Variants in KCNMA1 observed in about 807,000 individuals in gnomAD.
The protein encoded by KCNMA1 is potassium calcium-activated channel subfamily M alpha 1.
KCNMA1 carries 29 observed loss-of-function variants against 140.0 expected under a neutral mutation model. The ratio of observed to expected loss-of-function variants is 0.21; its 90% confidence interval spans 0.15 to 0.28. The LOEUF is 0.28. Among genes scored for constraint, KCNMA1 ranks in the 10% least tolerant of loss-of-function variants. KCNMA1 has a pLI of 1.00. For synonymous variants in KCNMA1, 612 were observed against 611.9 expected, an observed-to-expected ratio of 1.00 and a Z score of 0.00; for missense variants, 880 against 1,602.2, an observed-to-expected ratio of 0.55 and a Z score of 7.70.
At chr10:77,426,440 T>C (rs1161167183) in intron 1 of KCNMA1, among the ~76,000 whole-genome samples, 3 of 152,136 alleles carry the variant, frequency 2.0e-5, no homozygotes. Flanking sequence ...ATTTTACGGA[T>C]GAGGAAAATA....
At chr10:76,969,901 G>T in intron 20 of KCNMA1, 73 bp downstream of exon 20, 1 of 1,205,010 alleles carries the variant, frequency 8.3e-7, no homozygotes, top group Non-Finnish European at 1.2e-6. Flanking sequence ...GGGCCTGGCA[G>T]GGTGAGGAGA....
chr10:76,975,171 G>A (rs2077114957), intron 19 of KCNMA1: 1 of 152,176 alleles, frequency 6.6e-6, no homozygotes, highest in Admixed American at 6.5e-5. Flanking sequence ...GAAGGGTATG[G>A]AGTGATGGTA....
At chr10:77,069,299 G>A (rs971141148) in intron 14 of KCNMA1, among the ~76,000 whole-genome samples, 26 of 152,140 alleles carry the variant, frequency 1.7e-4, no homozygotes, top group African/African-American at 4.8e-5. Flanking sequence ...CAGGATGTTC[G>A]TGCGAACTCC....
At chr10:77,053,389 G>A (rs779360181) in intron 14 of KCNMA1, among the ~76,000 whole-genome samples, 2 of 152,190 alleles carry the variant, frequency 1.3e-5, no homozygotes, top group Non-Finnish European at 2.9e-5. Context: ...CCAGACAGAT[G>A]CACCTAGTTC....
At chr10:77,347,705 T>C (rs1662106128) in intron 2 of KCNMA1, among the ~76,000 whole-genome samples, 1 of 152,176 alleles carries the variant, frequency 6.6e-6, no homozygotes, top group Non-Finnish European at 1.5e-5. Flanking sequence ...TGACCTAAGG[T>C]AGGATTCTTA....
chr10:77,008,184 C>A (rs1593444656), intron 18 of KCNMA1: 2 of 1,534,922 alleles, frequency 1.3e-6, no homozygotes, highest in Non-Finnish European at 1.7e-6. Flanking sequence ...GTTTTACTCA[C>A]AATATATCAC....
chr10:76,993,677 C>A (rs995507602), intron 19 of KCNMA1, among the ~76,000 whole-genome samples: 5 of 152,210 alleles, frequency 3.3e-5, no homozygotes, highest in Non-Finnish European at 5.9e-5. Flanking sequence ...TCCTCCCCTG[C>A]AGCCACAGCA....
At chr10:77,242,899 TACACACACAC>T (rs199668848) in intron 3 of KCNMA1, among the ~76,000 whole-genome samples, 25 of 111,664 alleles carry the variant, frequency 2.2e-4, no homozygotes, top group African/African-American at 4.8e-4. Flanking sequence ...AATTGTTTCC[TACACACACAC>T]ACACACACAC....
At chr10:77,502,434 T>C (rs947354556) in intron 1 of KCNMA1, among the ~76,000 whole-genome samples, 2 of 152,184 alleles carry the variant, frequency 1.3e-5, no homozygotes, top group African/African-American at 4.8e-5. Context: ...AATGCTCTCA[T>C]GTTTCAGAGC....
chr10:77,017,164 T>C (rs2092214961), intron 17 of KCNMA1, among the ~76,000 whole-genome samples: 1 of 152,198 alleles, frequency 6.6e-6, no homozygotes, highest in Non-Finnish European at 1.5e-5. Flanking sequence ...CGGCCTGATA[T>C]TTGTGACATT....
chr10:76,946,765 C>T (rs888204408), intron 22 of KCNMA1, among the ~76,000 whole-genome samples: 11 of 152,092 alleles, frequency 7.2e-5, no homozygotes, highest in East Asian at 5.8e-4. Flanking sequence ...GGAAGCCAGC[C>T]GTAATTGTGA....
intron 14 of KCNMA1, among the ~76,000 whole-genome samples, chr10:77,055,126 G>GT (rs2095499610): frequency 6.6e-6 from 1 of 152,148 alleles, no homozygotes. Context: ...CTGGTTCTGG[G>GT]TAAGATGGAG....
intron 24 of KCNMA1, 28 bp from the exon 25 acceptor site, chr10:76,910,124 C>T: frequency 6.2e-7 from 1 of 1,612,626 alleles, no homozygotes; most frequent in Non-Finnish European, 8.5e-7. Context: ...TAAGAATTAG[C>T]TCTGAAGACC....
intron 2 of KCNMA1, among the ~76,000 whole-genome samples, chr10:77,346,596 G>C (rs963306164): frequency 3.9e-5 from 6 of 152,288 alleles, no homozygotes; most frequent in Middle Eastern, 3.4e-3. Flanking sequence ...TAGAAGACTT[G>C]CTGGGTACCT....
chr10:77,293,289 A>G (rs1032122388), intron 2 of KCNMA1, among the ~76,000 whole-genome samples: 13 of 152,210 alleles, frequency 8.5e-5, no homozygotes, highest in South Asian at 4.1e-4. Flanking sequence ...CACCCTGTCC[A>G]GGCATATCCC....
chr10:77,313,119 G>A (rs190229176), intron 2 of KCNMA1, among the ~76,000 whole-genome samples: 1 of 152,216 alleles, frequency 6.6e-6, no homozygotes, highest in East Asian at 1.9e-4. Context: ...ATCAGACTCC[G>A]CGTTGGTCTG....
At chr10:76,932,949 C>T (rs2059638260) in intron 23 of KCNMA1, among the ~76,000 whole-genome samples, 2 of 152,168 alleles carry the variant, frequency 1.3e-5, no homozygotes, top group African/African-American at 4.8e-5. Context: ...GCCTTGGGCC[C>T]TGGGTTGGTA....
chr10:77,482,998 A>T (rs1040029738), intron 1 of KCNMA1, among the ~76,000 whole-genome samples: 1 of 18,760 alleles, frequency 5.3e-5, no homozygotes, highest in Non-Finnish European at 8.6e-5. Flanking sequence ...ACATACACAC[A>T]CACACACACA....
At chr10:77,511,712 C>T (rs2048476728) in intron 1 of KCNMA1, among the ~76,000 whole-genome samples, 1 of 152,162 alleles carries the variant, frequency 6.6e-6, no homozygotes, top group Admixed American at 6.5e-5. Flanking sequence ...TGGTAAATAG[C>T]TCATCTGCGT....
Sources: allele counts gnomAD v4.1 joint callset (sites outside exome capture counted in the v4.1 genomes callset), GRCh38; gene constraint gnomAD v4.1.1; transcripts MANE v1.5; gene names NCBI Gene and HGNC (gene_info 2026-07-23, HGNC 2026-07-21).